Variants in LTBP4 observed in about 807,000 individuals in gnomAD.
LTBP4 encodes latent transforming growth factor beta binding protein 4, also known as latent-transforming growth factor beta-binding protein 4.
LTBP4 carries 93 observed loss-of-function variants against 180.2 expected under a neutral mutation model. The ratio of observed to expected loss-of-function variants is 0.52; its 90% CI spans 0.44 to 0.61. LTBP4 has a LOEUF of 0.61. LTBP4 is among the 20% of genes least tolerant of loss of function. LTBP4 has a pLI of 0.00. For synonymous variants in LTBP4, 947 were observed against 934.5 expected, an observed-to-expected ratio of 1.01 and a Z score of -0.24; for missense variants, 2,116 against 2,256.5, an observed-to-expected ratio of 0.94 and a Z score of 1.26.
chr19:40,625,502 G>A (rs1457570275), intron 26 of LTBP4, among the ~76,000 whole-genome samples: 1 of 150,844 alleles, frequency 6.6e-6, no homozygotes, highest in Non-Finnish European at 1.5e-5. Context: ...CATTTCCTGT[G>A]CCTTCAGCAC....
At position 40,605,270 on chromosome 19, in the gene LTBP4, A is replaced by T; in HGVS notation, c.442+44A>T. ...GAGTCCCCTCCGACCCCTGTCAAGC[A>T]TTTCACTTTGCCCCTGACCCTCATA... On this transcript the variant is annotated intron_variant, in intron 2 of 29. Coordinates refer to ENST00000396819, the MANE Select transcript of LTBP4 (RefSeq NM_001042545.2). The surrounding 1 kb of genome is among the most constrained non-coding windows in gnomAD (Gnocchi z 5.5). 1 of 1,559,666 alleles carries T rather than the reference A, an allele frequency of 6.4e-7. No individual in the cohort carries two copies. The highest frequency in any genetic ancestry group is 8.7e-7 in the Non-Finnish European group (1 of 1,151,294).
At chr19:40,625,391 C>G (rs1049125029) in intron 26 of LTBP4, among the ~76,000 whole-genome samples, 3 of 146,376 alleles carry the variant, frequency 2.0e-5, no homozygotes, top group Non-Finnish European at 3.0e-5. Context: ...GCAACCCCCC[C>G]ACCTCAGCCT....
chr19:40,624,956 G>T (rs1385420807), intron 26 of LTBP4, among the ~76,000 whole-genome samples: 3 of 151,278 alleles, frequency 2.0e-5, no homozygotes, highest in Non-Finnish European at 2.9e-5. Flanking sequence ...TGACTCTTTG[G>T]ATGTGTTTCT....
At chr19:40,596,762 G>A (rs927725834), upstream of LTBP4, among the ~76,000 whole-genome samples, 1 of 152,112 alleles carries the variant, frequency 6.6e-6, no homozygotes, top group African/African-American at 2.4e-5. Flanking sequence ...GGGTACCCGT[G>A]GGGGGCTTCC....
Position 40,608,228 on chromosome 19 carries a change from C to G in LTBP4, c.1165C>G (p.Arg389Gly). 6.2e-7 allele frequency: 1 copy of G among 1,613,960 alleles called. No homozygotes were observed. Among genetic ancestry groups the G allele is most frequent in the Non-Finnish European group, 8.5e-7 (1 of 1,179,886 alleles). The change falls in exon 8 of 30, where the codon CGG (arginine) becomes GGG (glycine). Residue 389 changes from arginine to glycine, a missense_variant. This residue lies in a region of LTBP4 where 877 missense variants were observed against 873.6 expected (regional missense o/e 1.00). Coordinates refer to ENST00000396819, the MANE Select transcript of LTBP4 (RefSeq NM_001042545.2). Reference sequence around the variant, plus strand: ...CTCTTACCTATTCCCAGAGGGTTTCCGGGAGATCTGCCCGGCTGGTCCTGG... The same window carrying G: ...CTCTTACCTATTCCCAGAGGGTTTCGGGGAGATCTGCCCGGCTGGTCCTGG... ...LCPPFGSEGF[R>G]EICPAGPGYH...
At position 40,629,403 on chromosome 19, in the gene LTBP4, C is replaced by A; in HGVS notation, c.4527C>A (p.Asn1509Lys). Residue 1509 changes from asparagine to lysine, a missense_variant, in exon 30 of 30, where the codon AAC becomes AAA. Coordinates refer to ENST00000396819, the MANE Select transcript of LTBP4 (RefSeq NM_001042545.2). This position sits in a 1 kb window ranked among gnomAD's most constrained non-coding sequence, Gnocchi z 4.5. The stretch of plus-strand genomic sequence containing the variant: ...GTTGTCTCCCCTCCGCAGACATCAA[C>A]GAGTGTGATGAGGCCGAGGCTGCCT... ...DMTRMACVDI[N>K]ECDEAEAASP... 1 of 1,612,968 alleles carries A rather than the reference C, an allele frequency of 6.2e-7. No homozygotes were observed. The highest frequency in any genetic ancestry group is 8.5e-7 in the Non-Finnish European group (1 of 1,179,628).
rs2146033410 is a variant in LTBP4, at chr19:40,613,885, G to A, written c.2558-31G>A. ...TAGAATGTTAGGCGGAGCGGGAGGTGGGCCGGGCCTTCGGACGCCCTGTCC... is the reference window on the plus strand; with the variant it reads ...TAGAATGTTAGGCGGAGCGGGAGGTAGGCCGGGCCTTCGGACGCCCTGTCC... On this transcript the variant is annotated intron_variant, in intron 17 of 29. Transcript: ENST00000396819. This position sits in a 1 kb window ranked among gnomAD's most constrained non-coding sequence, Gnocchi z 5.0. 1 of 1,612,924 alleles carries A rather than the reference G, an allele frequency of 6.2e-7. No homozygotes were observed. The highest frequency in any genetic ancestry group is 8.5e-7 in the Non-Finnish European group (1 of 1,179,722).
intron 26 of LTBP4, among the ~76,000 whole-genome samples, chr19:40,624,448 C>T (rs1300125628): frequency 6.6e-6 from 1 of 152,226 alleles, no homozygotes; most frequent in Admixed American, 6.5e-5. Flanking sequence ...GGCTAGAGCG[C>T]AGTGGCGCCA....
upstream of LTBP4, chr19:40,597,177 G>T: frequency 2.2e-6 from 3 of 1,334,766 alleles, no homozygotes; most frequent in South Asian, 1.9e-5. Context: ...CGGGGCCGGG[G>T]CTAGCCTGAC....
In LTBP4 at chr19:40,612,104, C is replaced by T. The variant is rs371631051; in HGVS notation, c.2211C>T (p.Cys737=). 6.2e-7 allele frequency: 1 copy of T among 1,613,640 alleles called. No homozygotes were observed. Among genetic ancestry groups the T allele is most frequent in the Non-Finnish European group, 8.5e-7 (1 of 1,179,762 alleles). ...DVDECENHLA[C]PGQECVNSPG... ...ATGAGTGTGAGAACCACCTCGCATG[C>T]CCTGGGCAGGAGTGTGTGAACTCGC... The change falls in exon 15 of 30, where the codon TGC becomes TGT. Residue 737 remains cysteine (C), a synonymous_variant. Transcript: ENST00000396819.
chr19:40,610,951 G>T, intron 12 of LTBP4: 1 of 739,996 alleles, frequency 1.4e-6, no homozygotes, highest in Non-Finnish European at 2.1e-6. Flanking sequence ...GGAGAAGGAG[G>T]CCTTCTCATG....
chr19:40,624,574 T>C (rs112034877), intron 26 of LTBP4, among the ~76,000 whole-genome samples: 2,275 of 152,144 alleles, frequency 0.015, 19 homozygotes, highest in Non-Finnish European at 0.019. Context: ...TGTATTTTTT[T>C]CTTTAGTAGA....
In LTBP4 at chr19:40,627,013, G is replaced by C. The variant is rs370362292; in HGVS notation, c.4024G>C (p.Ala1342Pro). The change falls in exon 28 of 30, where the codon GCA becomes CCA. Residue 1342 changes from alanine to proline, a missense_variant. Around this residue, in one of 5 missense-constraint regions of LTBP4, gnomAD observed 488 missense variants for 458.8 expected, o/e 1.06. Coordinates refer to ENST00000396819, the MANE Select transcript of LTBP4 (RefSeq NM_001042545.2). ...CCTGTGCAATGTGCTACGCCCCCCCGCATATAGCCCCCCGCGACCAGGTGG... is the reference window on the plus strand; with the variant it reads ...CCTGTGCAATGTGCTACGCCCCCCCCCATATAGCCCCCCGCGACCAGGTGG... ...EALCNVLRPPAYSPPRPGGFG... is the reference protein window; with the variant it reads ...EALCNVLRPPPYSPPRPGGFG... The C allele has an allele frequency of 1.3e-6, 2 of 1,592,900 alleles. No individual in the cohort carries two copies. Among genetic ancestry groups the C allele is most frequent in the Non-Finnish European group, 1.7e-6 (2 of 1,166,604 alleles).
chr19:40,610,336 T>C (rs2081496464), intron 11 of LTBP4, 196 bp from the exon 12 acceptor site: 6 of 617,452 alleles, frequency 9.7e-6, no homozygotes, highest in African/African-American at 1.9e-5. Flanking sequence ...CTCTCCTTTC[T>C]GCCCTTGCGC....
chr19:40,599,353 C>T, upstream of LTBP4: 1 of 1,610,126 alleles, frequency 6.2e-7, no homozygotes, highest in Non-Finnish European at 8.5e-7. Flanking sequence ...AGTGGGAGAG[C>T]TGGATGCATT....
At chr19:40,621,351 A>G (rs2081585156) in intron 22 of LTBP4, among the ~76,000 whole-genome samples, 1 of 152,020 alleles carries the variant, frequency 6.6e-6, no homozygotes, top group Admixed American at 6.6e-5. Flanking sequence ...TTTAGCTCTC[A>G]CTTGTAAGTG....
At position 40,622,509 on chromosome 19, in the gene LTBP4, T is replaced by G; in HGVS notation, c.3326T>G (p.Val1109Gly). The change falls in exon 23 of 30, where the codon GTG (valine) becomes GGG (glycine). Residue 1109 changes from valine to glycine, a missense_variant. Around this residue, in one of 5 missense-constraint regions of LTBP4, gnomAD observed 278 missense variants for 373.0 expected, o/e 0.75. Coordinates refer to ENST00000396819, the MANE Select transcript of LTBP4 (RefSeq NM_001042545.2). The surrounding 1 kb of genome is among the most constrained non-coding windows in gnomAD (Gnocchi z 5.1). ...CCCAGCACACCTAGGCAGGGCCCTGTGGGGAGTGGGCGCCGGGAGTGCTAC... is the reference window on the plus strand; with the variant it reads ...CCCAGCACACCTAGGCAGGGCCCTGGGGGGAGTGGGCGCCGGGAGTGCTAC... ...RRPSTPRQGPVGSGRRECYFD... is the reference protein window; with the variant it reads ...RRPSTPRQGPGGSGRRECYFD... The G allele has an allele frequency of 6.2e-7, 1 of 1,613,374 alleles. No homozygotes were observed. Among genetic ancestry groups the G allele is most frequent in the Non-Finnish European group, 8.5e-7 (1 of 1,179,668 alleles).
At chr19:40,623,463 C>T (rs1387430652) in intron 24 of LTBP4, 141 bp from the exon 25 acceptor site, 2 of 1,094,606 alleles carry the variant, frequency 1.8e-6, no homozygotes, top group African/African-American at 1.6e-5. Context: ...GCATGAGCCA[C>T]CGCTCCTGGC....
upstream of LTBP4, among the ~76,000 whole-genome samples, chr19:40,596,539 C>T (rs535946187): frequency 6.6e-6 from 1 of 152,138 alleles, no homozygotes; most frequent in East Asian, 1.9e-4. Context: ...GGATCAGGGG[C>T]AGAGCCTGGC....
Sources: gnomAD v4.1 joint callset for allele counts (sites outside exome capture counted in the v4.1 genomes callset) on GRCh38, gnomAD v4.1.1 for gene constraint, gnomAD v4.1.1 regional missense constraint, Gnocchi (gnomAD v3.1) non-coding constraint, MANE v1.5 for transcripts, NCBI Gene and HGNC (gene_info 2026-07-23, HGNC 2026-07-21) for gene names.